Variants in ITPR1 observed in about 807,000 individuals in gnomAD.
The protein encoded by ITPR1 is inositol 1,4,5-trisphosphate receptor type 1, also known as inositol 1,4,5-trisphosphate-gated calcium channel ITPR1.
A neutral mutation model predicts 318.4 loss-of-function variants in ITPR1; 96 were observed. The observed-to-expected ratio is 0.30, with a 90% CI of 0.26 to 0.36. ITPR1 has a LOEUF of 0.36. Among genes scored for constraint, ITPR1 ranks in the 10% least tolerant of loss-of-function variants. The pLI is 1.00. For missense variants in ITPR1, 2,440 were observed against 3,460.2 expected (o/e 0.71, Z 7.40); for synonymous variants, 1,312 against 1,289.9 (o/e 1.02, Z -0.37).
chr3:4,765,002 G>A (rs549939929), intron 44 of ITPR1, among the ~76,000 whole-genome samples: 3 of 151,576 alleles, frequency 2.0e-5, no homozygotes, highest in African/African-American at 7.3e-5. Context: ...GAATGGGTGG[G>A]TGGGTGGATG....
At chr3:4,542,613 C>A (rs1198305775) in intron 4 of ITPR1, among the ~76,000 whole-genome samples, 2 of 147,908 alleles carry the variant, frequency 1.4e-5, no homozygotes, top group African/African-American at 4.9e-5. Context: ...AGTTACCTTG[C>A]CTTCCTATTT....
rs577268722 is a variant in ITPR1 at position 4,544,782 on chromosome 3, C to T, written c.163+23688C>T. Among the ~76,000 whole-genome samples the T allele has an allele frequency of 6.6e-5, 10 of 152,244 alleles. 1 individual carries two copies. The highest frequency in any genetic ancestry group is 1.9e-4 in the East Asian group (1 of 5,180). On this transcript the variant is annotated intron_variant, in intron 4 of 61. Coordinates refer to ENST00000649015, the MANE Select transcript of ITPR1 (RefSeq NM_001378452.1). ...TTCTCTTAGCTTGCCCATAGCTTTG[C>T]TTTCATTGCAACAACAACTTTTTAT... is the stretch of plus-strand genomic sequence containing the variant.
intron 4 of ITPR1, among the ~76,000 whole-genome samples, chr3:4,544,302 A>C (rs2084753779): frequency 6.6e-6 from 1 of 152,104 alleles, no homozygotes; most frequent in Admixed American, 6.5e-5. Flanking sequence ...CCTTCCATCT[A>C]GTTTTTAGTG....
intron 2 of ITPR1, among the ~76,000 whole-genome samples, chr3:4,505,349 C>G (rs957521135): frequency 3.9e-5 from 6 of 152,202 alleles, no homozygotes; most frequent in African/African-American, 1.2e-4. Flanking sequence ...CAAGCCACCA[C>G]GCCTGGCTAA....
chr3:4,802,609 G>A (rs1388033990), intron 54 of ITPR1, among the ~76,000 whole-genome samples: 3 of 152,050 alleles, frequency 2.0e-5, no homozygotes, highest in Non-Finnish European at 4.4e-5. Context: ...AATTGCTTGA[G>A]GCCAGGAGTT....
At chr3:4,818,330 C>T (rs1369870343) in intron 60 of ITPR1, 88 bp downstream of exon 60, 16 of 1,059,480 alleles carry the variant, frequency 1.5e-5, no homozygotes, top group Admixed American at 5.1e-5. Flanking sequence ...GGGAGCTGCA[C>T]AACAGAAGAA....
At chr3:4,511,121 T>G (rs2081790868) in intron 2 of ITPR1, among the ~76,000 whole-genome samples, 1 of 152,132 alleles carries the variant, frequency 6.6e-6, no homozygotes, top group Non-Finnish European at 1.5e-5. Context: ...GGAATCCTCT[T>G]CACGTAACAG....
chr3:4,660,401 T>G (rs2093806432), intron 13 of ITPR1, among the ~76,000 whole-genome samples: 1 of 151,940 alleles, frequency 6.6e-6, no homozygotes, highest in African/African-American at 2.4e-5. Context: ...CAGGCTATGG[T>G]GATTTTTTTT....
chr3:4,728,732 C>A (rs796252712), intron 42 of ITPR1, among the ~76,000 whole-genome samples: 2 of 152,282 alleles, frequency 1.3e-5, no homozygotes, highest in Non-Finnish European at 2.9e-5. Flanking sequence ...CCATCCCCAC[C>A]TGTCCCCTGT....
At position 4,642,221 on chromosome 3, in the gene ITPR1, A is replaced by C. The variant is rs557256951; in HGVS notation, c.495A>C (p.Pro165=). 6.3e-6 allele frequency: 10 copies of C among 1,587,378 alleles called. No homozygotes were observed. The South Asian group carries it at 9.3e-5, about 15-fold the overall frequency. The part of the protein sequence containing the change: ...GNEGSWFYIQ[P]FYKLRSIGDS... ...AAGGGTCCTGGTTTTATATTCAGCC[A>C]TTCTACAAGCTGCGATCCATTGGAG... The change falls in exon 7 of 62, where the codon CCA becomes CCC. Residue 165 remains proline, a synonymous_variant. Transcript: ENST00000649015.
At chr3:4,701,002 CAT>C (rs959346596) in intron 35 of ITPR1, among the ~76,000 whole-genome samples, 1 of 152,166 alleles carries the variant, frequency 6.6e-6, no homozygotes, top group African/African-American at 2.4e-5. Context: ...TCTCCCACAA[CAT>C]GTGGGAATTG....
In ITPR1 at chr3:4,658,199, G is replaced by C. The variant is rs757136905; in HGVS notation, c.1072G>C (p.Val358Leu). The C allele has an allele frequency of 1.2e-6, 2 of 1,613,592 alleles. No homozygotes were observed. The highest frequency in any genetic ancestry group is 1.1e-5 in the South Asian group (1 of 91,074). Residue 358 changes from valine to leucine, a missense_variant, in exon 13 of 62, where the codon GTG (valine) becomes CTG (leucine). By Grantham distance (32) the Val-to-Leu change is conservative (BLOSUM62 1). Transcript: ENST00000649015. ...QEKMVYSLVS[V>L]PEGNDISSIF... ...AAAGATGGTATACTCCCTGGTCTCT[G>C]TGCCTGAAGGCAATGACATCTCCTC...
chr3:4,743,372 G>A (rs754052134), intron 44 of ITPR1, among the ~76,000 whole-genome samples: 5 of 152,252 alleles, frequency 3.3e-5, no homozygotes, highest in Non-Finnish European at 7.3e-5. Flanking sequence ...GAGCCCTCCT[G>A]CAGAAGAAGA....
intron 4 of ITPR1, among the ~76,000 whole-genome samples, chr3:4,591,808 C>A (rs2322734): frequency 0.92 from 140,321 of 152,248 alleles, 64,882 homozygotes; most frequent in Middle Eastern, 0.99. Flanking sequence ...TTTGGAGATG[C>A]TGTATTGAAC....
At chr3:4,608,663 A>C (rs941176220) in intron 4 of ITPR1, among the ~76,000 whole-genome samples, 2 of 152,066 alleles carry the variant, frequency 1.3e-5, no homozygotes, top group East Asian at 3.9e-4. Context: ...GCATCTTACA[A>C]GATACAGGAC....
chr3:4,629,444 C>T (rs141254774), intron 5 of ITPR1, among the ~76,000 whole-genome samples: 2 of 152,302 alleles, frequency 1.3e-5, no homozygotes, highest in African/African-American at 2.4e-5. Context: ...TTTCTCAGCA[C>T]TGATCAGGGT....
In ITPR1 at chr3:4,786,764, G is replaced by C. The variant is rs560858905; in HGVS notation, c.6616-1183G>C. 2.6e-5 allele frequency among the ~76,000 whole-genome samples: 4 copies of C among 152,154 alleles called. No individual in the cohort carries two copies. In the South Asian group the frequency reaches 8.3e-4, roughly 32 times the overall value. On this transcript the variant is annotated intron_variant, in intron 51 of 61. Coordinates refer to ENST00000649015, the MANE Select transcript of ITPR1 (RefSeq NM_001378452.1). ...AAACTTGCAAGGTGTCCACCCCTGG[G>C]GCCCAAACATACCCAGCATAAAGAA...
At chr3:4,696,922 G>A (rs973456744) in intron 33 of ITPR1, among the ~76,000 whole-genome samples, 1 of 152,000 alleles carries the variant, frequency 6.6e-6, no homozygotes, top group African/African-American at 2.4e-5. Flanking sequence ...CAGAGGTTTT[G>A]CCTCATTCTT....
chr3:4,800,332 A>G (rs541125194), intron 53 of ITPR1, 93 bp from the exon 54 acceptor site: 2 of 1,338,562 alleles, frequency 1.5e-6, no homozygotes, highest in South Asian at 2.7e-5. Context: ...CAAAAAAGTT[A>G]TTGAGGAATC....
Sources: allele counts gnomAD v4.1 joint callset (sites outside exome capture counted in the v4.1 genomes callset), GRCh38; gene constraint gnomAD v4.1.1; transcripts MANE v1.5; gene names NCBI Gene and HGNC (gene_info 2026-07-23, HGNC 2026-07-21).